Variants in BCL2L13 observed in about 807,000 individuals in gnomAD.
BCL2L13 encodes the protein BCL2 like 13, also known as bcl-2-like protein 13.
Under a neutral mutation model 25.8 loss-of-function variants are expected in BCL2L13, and 13 were observed. The observed-to-expected ratio is 0.50, with a 90% confidence interval of 0.33 to 0.80. The LOEUF is 0.80. BCL2L13 is among the 30% of genes least tolerant of loss of function. BCL2L13 has a pLI of 0.02. For synonymous variants in BCL2L13, 244 were observed against 230.3 expected (o/e 1.06, Z -0.54); for missense variants, 504 against 574.9 (o/e 0.88, Z 1.26).
intron 4 of BCL2L13, among the ~76,000 whole-genome samples, chr22:17,693,682 G>A (rs534907701): frequency 6.7e-6 from 1 of 150,030 alleles, no homozygotes; most frequent in African/African-American, 2.4e-5. Flanking sequence ...ACCTGGCTGG[G>A]GTGGGATTTT....
chr22:17,707,496 G>T (rs1041710376), intron 6 of BCL2L13, among the ~76,000 whole-genome samples: 1 of 152,058 alleles, frequency 6.6e-6, no homozygotes, highest in Non-Finnish European at 1.5e-5. Flanking sequence ...TGTGTGTTTT[G>T]TGTCAGTGGA....
intron 6 of BCL2L13, among the ~76,000 whole-genome samples, chr22:17,710,980 A>G (rs2060741365): frequency 6.6e-6 from 1 of 152,226 alleles, no homozygotes; most frequent in South Asian, 2.1e-4. Context: ...CTAATGTCTT[A>G]GATGAGATGA....
At chr22:17,646,951 A>ATT (rs1176648214) in intron 1 of BCL2L13, among the ~76,000 whole-genome samples, 100 of 21,856 alleles carry the variant, frequency 4.6e-3, no homozygotes, top group African/African-American at 0.014. Context: ...ATATATATAT[A>ATT]TATATTTTTT....
At chr22:17,658,213 T>TA (rs1362506318) in intron 2 of BCL2L13, among the ~76,000 whole-genome samples, 13 of 152,066 alleles carry the variant, frequency 8.5e-5, no homozygotes, top group Non-Finnish European at 1.8e-4. Flanking sequence ...ATTCATTTTT[T>TA]ATCTGTGTAT....
chr22:17,683,164 A>T, intron 2 of BCL2L13, 50 bp from the exon 3 acceptor site: 1 of 1,055,066 alleles, frequency 9.5e-7, no homozygotes. Context: ...ATTATATTCT[A>T]ATGGTTTCTC....
chr22:17,702,613 G>A (rs1327491960), intron 6 of BCL2L13: 5 of 366,178 alleles, frequency 1.4e-5, no homozygotes, highest in South Asian at 1.0e-4. Flanking sequence ...CCACTGTGCC[G>A]TGCTCTATCC....
At chr22:17,666,000 C>G (rs984518502) in intron 2 of BCL2L13, among the ~76,000 whole-genome samples, 1 of 151,958 alleles carries the variant, frequency 6.6e-6, no homozygotes, top group Non-Finnish European at 1.5e-5. Context: ...GCTGCTGGGT[C>G]GTATGGTGAA....
rs1181793721 is a variant in BCL2L13, at chr22:17,631,670, GTATATATA to G, written c.-650+2695_-650+2702del. Among the ~76,000 whole-genome samples, 102 of 26,874 alleles carry G rather than the reference GTATATATA, an allele frequency of 3.8e-3. 1 individual carries two copies. The highest frequency in any genetic ancestry group is 0.033 in the Middle Eastern group (1 of 30). The allele number at this position is 26,874 out of a possible 152,430, so 17.6% of individuals were successfully genotyped here. ...CGTGTGTGTATGTATGTGTGTGTGT[GTATATATA>G]TATATATATATATATATATATATAT... On this transcript the variant is annotated intron_variant, in intron 1 of 6. Coordinates refer to the BCL2L13 transcript ENST00000399782.
At chr22:17,719,251 G>T (rs1036588687) in intron 6 of BCL2L13, among the ~76,000 whole-genome samples, 2 of 149,620 alleles carry the variant, frequency 1.3e-5, no homozygotes, top group African/African-American at 4.9e-5. Flanking sequence ...TGAATTACAC[G>T]TCATTCTAAA....
At chr22:17,685,760 CTTTTTTTT>C (rs1166792513) in intron 3 of BCL2L13, among the ~76,000 whole-genome samples, 56 of 60,564 alleles carry the variant, frequency 9.2e-4, no homozygotes, top group Middle Eastern at 0.014. Context: ...TTTTCTTTTT[CTTTTTTTT>C]TTTTTTTTTT....
intron 1 of BCL2L13, among the ~76,000 whole-genome samples, chr22:17,646,541 G>T (rs544728263): frequency 6.6e-6 from 1 of 150,578 alleles, no homozygotes; most frequent in Non-Finnish European, 1.5e-5. Flanking sequence ...GAGCCACTGC[G>T]CCTGGCCAAG....
chr22:17,681,533 TAA>T (rs1219044816), intron 2 of BCL2L13, among the ~76,000 whole-genome samples: 3 of 150,938 alleles, frequency 2.0e-5, no homozygotes, highest in African/African-American at 7.3e-5. Flanking sequence ...TGGTAATTAG[TAA>T]AGAGTTTAAA....
intron 2 of BCL2L13, among the ~76,000 whole-genome samples, chr22:17,658,308 A>G (rs963398032): frequency 2.8e-4 from 42 of 152,180 alleles, no homozygotes; most frequent in African/African-American, 9.4e-4. Context: ...ATAGACATTA[A>G]CAAAAGCCTT....
intron 4 of BCL2L13, among the ~76,000 whole-genome samples, chr22:17,695,219 A>G (rs1209790858): frequency 6.6e-6 from 1 of 152,164 alleles, no homozygotes; most frequent in Non-Finnish European, 1.5e-5. Flanking sequence ...GGCTAACCAC[A>G]TGGCCCTGCT....
In BCL2L13 at chr22:17,645,526, A is replaced by G. The variant is rs116120991; in HGVS notation, c.-51+6640A>G. Among the ~76,000 whole-genome samples, 389 of 151,576 alleles carry G rather than the reference A, an allele frequency of 2.6e-3. 18 individuals carry two copies. The highest frequency in any genetic ancestry group is 9.2e-3 in the African/African-American group (375 of 40,890). ...GCGTGAGCCACCATGCCTGGTTTAT[A>G]GTAGGATTTAATAGCTGCTGTGTAC... On this transcript the variant is annotated intron_variant, in intron 1 of 6. Transcript: ENST00000317582.
chr22:17,667,530 A>G (rs557990696), intron 2 of BCL2L13, among the ~76,000 whole-genome samples: 2 of 150,312 alleles, frequency 1.3e-5, no homozygotes, highest in African/African-American at 4.9e-5. Context: ...TGTTTTTGAG[A>G]CAGAGTCTAT....
In BCL2L13 at chr22:17,685,760, C is replaced by CTTTTTTTTTTTTTTTTTTTTTTT. The variant is rs1166792513; in HGVS notation, c.229+2446_229+2468dup. On this transcript the variant is annotated intron_variant, in intron 3 of 6. Coordinates refer to ENST00000317582, the MANE Select transcript of BCL2L13 (RefSeq NM_015367.4). ...TATTGCCCAATAATTTTTTCTTTTT[C>CTTTTTTTTTTTTTTTTTTTTTTT]TTTTTTTTTTTTTTTTTTTTTTTTT... Among the ~76,000 whole-genome samples, 13 of 60,568 alleles carry CTTTTTTTTTTTTTTTTTTTTTTT rather than the reference C, an allele frequency of 2.1e-4. 4 individuals are homozygous for CTTTTTTTTTTTTTTTTTTTTTTT. Among genetic ancestry groups the CTTTTTTTTTTTTTTTTTTTTTTT allele is most frequent in the African/African-American group, 3.2e-4 (5 of 15,836 alleles). 39.7% of individuals were successfully genotyped at this position (60,568 alleles called of 152,430 possible). A position where few individuals can be genotyped will look rare whatever the true frequency, so the allele number is the denominator to read the frequency against.
chr22:17,653,367 C>T (rs2058749021), intron 1 of BCL2L13, among the ~76,000 whole-genome samples: 1 of 152,106 alleles, frequency 6.6e-6, no homozygotes, highest in Admixed American at 6.6e-5. Flanking sequence ...CCATCCTTCC[C>T]TTTTCAGTGT....
Position 17,712,604 on chromosome 22 carries a change from A to G in BCL2L13, c.600+10218A>G, listed in dbSNP as rs533651777. ...AACAGATAAGCCTTTGGGTATATAA[A>G]TTATGTGACACAGTAATTCCTTAGT... On this transcript the variant is annotated intron_variant, in intron 6 of 6. Coordinates refer to ENST00000317582, the MANE Select transcript of BCL2L13 (RefSeq NM_015367.4). Among the ~76,000 whole-genome samples the G allele has an allele frequency of 3.9e-5, 6 of 152,314 alleles. No individual in the cohort carries two copies. In the South Asian group the frequency reaches 1.2e-3, roughly 32 times the overall value.
Sources: allele counts gnomAD v4.1 joint callset (sites outside exome capture counted in the v4.1 genomes callset), GRCh38; gene constraint gnomAD v4.1.1; transcripts MANE v1.5; gene names NCBI Gene and HGNC (gene_info 2026-07-23, HGNC 2026-07-21).